Variants in GABRQ observed in about 807,000 individuals in gnomAD.
GABRQ encodes gamma-aminobutyric acid receptor subunit theta.
GABRQ carries 19 observed loss-of-function variants against 30.5 expected under a neutral mutation model. That is an observed-to-expected ratio of 0.62 (90% CI 0.43 to 0.91). GABRQ has a LOEUF of 0.91. GABRQ is among the 40% of genes least tolerant of loss of function. The pLI is 0.00. For missense variants in GABRQ, 520 were observed against 521.4 expected (o/e 1.00, Z 0.03); for synonymous variants, 187 against 210.2 (o/e 0.89, Z 0.95).
downstream of GABRQ, among the ~76,000 whole-genome samples, chrX:152,658,181 T>C (rs1218025042): frequency 9.0e-6 from 1 of 111,700 alleles, no homozygotes; most frequent in African/African-American, 3.3e-5. Flanking sequence ...CTGTGTGCCC[T>C]TGGACAAGAC....
rs1460976181 is a variant in GABRQ at position 152,654,045 on chromosome X, C to G, written c.*764C>G. 9.0e-6 allele frequency: 1 copy of G among 111,614 alleles called. No homozygotes were observed. Among genetic ancestry groups the G allele is most frequent in the Non-Finnish European group, 1.9e-5 (1 of 53,171 alleles). The allele number at this position is 111,614 out of a possible 1,213,427, so 9.2% of individuals were successfully genotyped here. A position where few individuals can be genotyped will look rare whatever the true frequency, so the allele number is the denominator to read the frequency against. ...GGGTGATGTCAGGTTGGAAATTACA[C>G]AGTTGAGCTGGCCTCTTCGGAGGGA... On this transcript the variant is annotated 3_prime_UTR_variant, in exon 9 of 9. Coordinates refer to ENST00000598523, the MANE Select transcript of GABRQ (RefSeq NM_018558.4).
intron 2 of GABRQ, among the ~76,000 whole-genome samples, chrX:152,643,936 CAT>C (rs1556818770): frequency 8.9e-6 from 1 of 112,017 alleles, no homozygotes; most frequent in African/African-American, 3.3e-5. Flanking sequence ...CTCACACACA[CAT>C]GCAAATTTAT....
chrX:152,644,996 A>G (rs1349166512), intron 2 of GABRQ, among the ~76,000 whole-genome samples: 1 of 112,099 alleles, frequency 8.9e-6, no homozygotes, highest in Non-Finnish European at 1.9e-5. Context: ...TCACACATTC[A>G]CTTATACACA....
intron 2 of GABRQ, among the ~76,000 whole-genome samples, chrX:152,641,006 C>T (rs1024568928): frequency 9.0e-6 from 1 of 111,079 alleles, no homozygotes; most frequent in Non-Finnish European, 1.9e-5. Context: ...TCTTTCTAAA[C>T]CCAGCCGGAT....
intron 1 of GABRQ, among the ~76,000 whole-genome samples, chrX:152,639,514 G>A (rs1483457273): frequency 8.9e-6 from 1 of 112,041 alleles, no homozygotes; most frequent in Non-Finnish European, 1.9e-5. Flanking sequence ...TGGGGAAGGA[G>A]CCCTGTTGAA....
In GABRQ at chrX:152,638,223, G is replaced by T; in HGVS notation, c.21G>T (p.Leu7=). 3.3e-6 allele frequency: 4 copies of T among 1,211,214 alleles called. No individual in the cohort carries two copies. Among genetic ancestry groups the T allele is most frequent in the Non-Finnish European group, 4.5e-6 (4 of 894,881 alleles). Residue 7 remains leucine, a synonymous_variant, in exon 1 of 9, where the codon CTG becomes CTT. Coordinates refer to ENST00000598523, the MANE Select transcript of GABRQ (RefSeq NM_018558.4). ...CGGCCATGGGCATCCGAGGCATGCT[G>T]CGAGCCGCAGTGATCCTGCTGCTCA... The part of the protein sequence containing the change: MGIRGM[L]RAAVILLLIR...
chrX:152,649,991 C>T, intron 6 of GABRQ, 112 bp downstream of exon 6: 1 of 576,338 alleles, frequency 1.7e-6, no homozygotes, highest in Non-Finnish European at 2.8e-6. Flanking sequence ...TTTCCACTTC[C>T]TACTGGTTCC....
intron 2 of GABRQ, among the ~76,000 whole-genome samples, chrX:152,645,150 C>A (rs185948914): frequency 1.2e-3 from 136 of 112,518 alleles, no homozygotes; most frequent in African/African-American, 4.3e-3. Context: ...CAAACACACA[C>A]ATTCACTCAC....
chrX:152,641,751 A>G (rs1484771619), intron 2 of GABRQ, among the ~76,000 whole-genome samples: 1 of 112,821 alleles, frequency 8.9e-6, no homozygotes, highest in Admixed American at 9.3e-5. Flanking sequence ...AGGTCTGGCC[A>G]TATGGGAATC....
chrX:152,646,961 C>T lies in GABRQ; in HGVS notation c.320C>T (p.Thr107Met), dbSNP rs782095317. The change falls in exon 4 of 9, where the codon ACG becomes ATG. Residue 107 changes from threonine to methionine, a missense_variant. Thr to Met is a moderately conservative substitution (Grantham distance 81). Transcript: ENST00000598523. ...TTGTCTTCCCAGGACTACACGATCA[C>T]GATGTTTTTTCATCAGACTTGGAAA... Reference protein sequence around the residue: ...ISEMNMDYTITMFFHQTWKDS... With the variant: ...ISEMNMDYTIMMFFHQTWKDS... 12 of 1,199,220 alleles carry T rather than the reference C, an allele frequency of 1.0e-5. No individual in the cohort carries two copies. In the East Asian group the frequency reaches 1.2e-4, roughly 12 times the overall value.
rs781850425 is a variant in GABRQ, at chrX:152,652,556, G to T, written c.1174G>T (p.Val392Leu). ...CTCCTCAAAGGATGGCCTGATTAAC[G>T]TGGAAGACGGAGTCAGCTCTCTCCC... Reference protein sequence around the residue: ...VGNVQDGLINVEDGVSSLPIT... With the variant: ...VGNVQDGLINLEDGVSSLPIT... The change falls in exon 9 of 9, where the codon GTG (valine) becomes TTG (leucine). Residue 392 changes from valine to leucine, a missense_variant. Coordinates refer to ENST00000598523, the MANE Select transcript of GABRQ (RefSeq NM_018558.4). The T allele has an allele frequency of 1.2e-4, 144 of 1,205,241 alleles. No individual in the cohort carries two copies. The Middle Eastern group carries it at 3.5e-3, about 29-fold the overall frequency.
chrX:152,643,902 C>A (rs73244116), intron 2 of GABRQ, among the ~76,000 whole-genome samples: 1 of 102,753 alleles, frequency 9.7e-6, no homozygotes, highest in African/African-American at 4.5e-5. Context: ...CACATATGCA[C>A]GCGTTCACTC....
At position 152,638,074 on chromosome X, in the gene GABRQ, C is replaced by A; in HGVS notation, c.-129C>A. The A allele has an allele frequency of 1.7e-6, 1 of 573,310 alleles. No homozygotes were observed. The highest frequency in any genetic ancestry group is 2.7e-6 in the Non-Finnish European group (1 of 367,756). 47.2% of individuals were successfully genotyped at this position (573,310 alleles called of 1,213,427 possible). On this transcript the variant is annotated 5_prime_UTR_variant, in exon 1 of 9. Transcript: ENST00000598523. ...GCCCTCGCTGCTCTCTCCTTAGAGG[C>A]GACTCTTTGGGGAAGGGCCAGCAAT...
At chrX:152,658,534 T>C (rs1931191316), downstream of GABRQ, among the ~76,000 whole-genome samples, 1 of 112,171 alleles carries the variant, frequency 8.9e-6, no homozygotes, top group African/African-American at 3.2e-5. Context: ...AGCCATCTGC[T>C]CATGCAGTTA....
intron 2 of GABRQ, among the ~76,000 whole-genome samples, chrX:152,645,082 A>C (rs1284297137): frequency 9.0e-6 from 1 of 110,924 alleles, no homozygotes; most frequent in East Asian, 2.8e-4. Flanking sequence ...ACATGCTCAC[A>C]TACACTCATA....
At chrX:152,643,210 T>C (rs1421847093) in intron 2 of GABRQ, among the ~76,000 whole-genome samples, 3 of 112,180 alleles carry the variant, frequency 2.7e-5, no homozygotes, top group Non-Finnish European at 5.6e-5. Context: ...ACTGTGTTTC[T>C]TGGAACTCCT....
chrX:152,649,841 GA>G lies in GABRQ; in HGVS notation c.712del (p.Arg238GlyfsTer18). The stretch of plus-strand genomic sequence containing the variant: ...CATATCCCTCAGTTCACTTTCCTGG[GA>G]AGGACGATTACTAGCAAGGAGGTGT... ...ELHIPQFTFL[G>X]RTITSKEVYF... On this transcript the variant is annotated frameshift_variant, in exon 6 of 9. Transcript: ENST00000598523. LOFTEE classifies it high-confidence loss of function. The G allele has an allele frequency of 8.3e-7, 1 of 1,201,848 alleles. No individual in the cohort carries two copies. Among genetic ancestry groups the G allele is most frequent in the Non-Finnish European group, 1.1e-6 (1 of 887,044 alleles).
downstream of GABRQ, among the ~76,000 whole-genome samples, chrX:152,658,145 C>A (rs1931184303): frequency 9.0e-6 from 1 of 111,650 alleles, no homozygotes; most frequent in African/African-American, 3.3e-5. Context: ...ACCAACTCCT[C>A]CCCACCCGCT....
intron 1 of GABRQ, among the ~76,000 whole-genome samples, chrX:152,639,405 A>AC (rs1930699646): frequency 1.1e-5 from 1 of 92,173 alleles, no homozygotes; most frequent in South Asian, 4.3e-4. Context: ...CACACACACA[A>AC]ACACACACAT....
Sources: gnomAD v4.1 joint callset for allele counts (sites outside exome capture counted in the v4.1 genomes callset) on GRCh38, gnomAD v4.1.1 for gene constraint, MANE v1.5 for transcripts, NCBI Gene and HGNC (gene_info 2026-07-23, HGNC 2026-07-21) for gene names.